The following HHEX variants were observed in gnomAD, a reference collection of about 807,000 sequenced individuals.
HHEX encodes the protein hematopoietically-expressed homeobox protein HHEX.
Under a neutral mutation model 27.0 loss-of-function variants are expected in HHEX, and 8 were observed. The observed-to-expected ratio is 0.30, with a 90% confidence interval of 0.17 to 0.54. The LOEUF is 0.54. Among genes scored for constraint, HHEX ranks in the 20% least tolerant of loss-of-function variants. HHEX has a pLI of 0.95. For synonymous variants in HHEX, 164 were observed against 161.5 expected (o/e 1.02, Z -0.12); for missense variants, 326 against 357.2 (o/e 0.91, Z 0.70).
intron 1 of HHEX, 189 bp from the exon 2 acceptor site, chr10:92,692,179 A>C: frequency 1.7e-6 from 1 of 576,156 alleles, no homozygotes; most frequent in East Asian, 2.9e-5. Context: ...CTGCGGTGTC[A>C]GTGTGTGACT....
Position 92,694,837 on chromosome 10 carries a change from TAGA to T in HHEX, c.*74_*76del. ...AATGTTTTGCTACAGAAAATCTTCA[TAGA>T]AGAACTGGAAGGCTATATAAGAAAG... On this transcript the variant is annotated 3_prime_UTR_variant, in exon 4 of 4. Transcript: ENST00000282728. 2 of 1,173,854 alleles carry T rather than the reference TAGA, an allele frequency of 1.7e-6. No homozygotes were observed. The highest frequency in any genetic ancestry group is 2.4e-5 in the East Asian group (1 of 42,348). The allele number at this position is 1,173,854 out of a possible 1,614,324, so 72.7% of individuals were successfully genotyped here.
In HHEX at chr10:92,689,982, G is replaced by C. The variant is rs532842622; in HGVS notation, c.-5G>C. On this transcript the variant is annotated 5_prime_UTR_variant, in exon 1 of 4. Transcript: ENST00000282728. ...CTCTGCGAGGGGCCGGAGCGCGGCG[G>C]AGCCATGCAGTACCCGCACCCCGGG... 1.5e-3 allele frequency: 2,153 copies of C among 1,402,656 alleles called. 4 individuals are homozygous for C. Among genetic ancestry groups the C allele is most frequent in the Non-Finnish European group, 1.9e-3 (2,021 of 1,087,418 alleles). 86.9% of individuals were successfully genotyped at this position (1,402,656 alleles called of 1,614,324 possible).
At chr10:92,692,598 G>A in intron 2 of HHEX, 52 bp downstream of exon 2, 1 of 1,602,550 alleles carries the variant, frequency 6.2e-7, no homozygotes. Flanking sequence ...AGGCTTCTGG[G>A]GTAGGGGTCG....
intron 1 of HHEX, among the ~76,000 whole-genome samples, chr10:92,691,263 C>T (rs1232811954): frequency 6.6e-6 from 1 of 152,170 alleles, no homozygotes; most frequent in African/African-American, 2.4e-5. Context: ...AATGTGCGGC[C>T]TAACAAATAA....
At position 92,690,115 on chromosome 10, in the gene HHEX, C is replaced by G. The variant is rs746055782; in HGVS notation, c.129C>G (p.Ala43=). The part of the protein sequence containing the change: ...YIEDILGRGP[A]APTPAPTLPS... ...AGGACATCCTGGGCCGCGGGCCCGC[C>G]GCGCCCACGCCCGCCCCCACGCTGC... Residue 43 remains alanine (A), a synonymous_variant, in exon 1 of 4, where the codon GCC becomes GCG. Coordinates refer to ENST00000282728, the MANE Select transcript of HHEX (RefSeq NM_002729.5). The G allele has an allele frequency of 3.9e-6, 6 of 1,548,214 alleles. No individual in the cohort carries two copies. The South Asian group carries it at 4.8e-5, about 12-fold the overall frequency.
chr10:92,694,778 G>T lies in HHEX; in HGVS notation c.*10G>T, dbSNP rs762671425. On this transcript the variant is annotated 3_prime_UTR_variant, in exon 4 of 4. Coordinates refer to ENST00000282728, the MANE Select transcript of HHEX (RefSeq NM_002729.5). ...TTTTAATGCTGGATGATGACCACTG[G>T]CATTGGCATGTTCAGAAAACTGGAT... The T allele has an allele frequency of 3.2e-6, 5 of 1,577,638 alleles. No homozygotes were observed. The South Asian group carries it at 5.5e-5, about 17-fold the overall frequency.
chr10:92,694,520 A>C (rs758306656), intron 3 of HHEX, 27 bp from the exon 4 acceptor site: 14 of 1,533,698 alleles, frequency 9.1e-6, no homozygotes, highest in Non-Finnish European at 1.8e-6. Context: ...GATCCTTCCA[A>C]TCTCCATTTT....
intron 2 of HHEX, 53 bp from the exon 3 acceptor site, chr10:92,692,649 T>C (rs1845369496): frequency 6.2e-7 from 1 of 1,608,126 alleles, no homozygotes; most frequent in South Asian, 1.1e-5. Flanking sequence ...CCCTGCCCTC[T>C]GGCACGTCCC....
At position 92,695,644 on chromosome 10, in the gene HHEX, C is replaced by T. The variant is rs563603594; in HGVS notation, c.*876C>T. On this transcript the variant is annotated 3_prime_UTR_variant, in exon 4 of 4. Coordinates refer to ENST00000282728, the MANE Select transcript of HHEX (RefSeq NM_002729.5). Reference sequence around the variant, plus strand: ...AAGCCGTCCGTGGGACGACTGACCTCGTTGCAAGTCTAATTCTTTGATTTT... The same window carrying T: ...AAGCCGTCCGTGGGACGACTGACCTTGTTGCAAGTCTAATTCTTTGATTTT... The T allele has an allele frequency of 6.6e-6, 1 of 152,128 alleles. No homozygotes were observed. Among genetic ancestry groups the T allele is most frequent in the Non-Finnish European group, 1.5e-5 (1 of 68,028 alleles). 9.4% of individuals were successfully genotyped at this position (152,128 alleles called of 1,614,324 possible).
In HHEX at chr10:92,694,781, T is replaced by G; in HGVS notation, c.*13T>G. The G allele has an allele frequency of 6.3e-7, 1 of 1,575,784 alleles. No homozygotes were observed. On this transcript the variant is annotated 3_prime_UTR_variant, in exon 4 of 4. Transcript: ENST00000282728. ...TAATGCTGGATGATGACCACTGGCA[T>G]TGGCATGTTCAGAAAACTGGATTTA...
intron 1 of HHEX, 81 bp downstream of exon 1, chr10:92,690,428 G>A (rs1384752040): frequency 5.8e-6 from 8 of 1,372,202 alleles, no homozygotes; most frequent in Non-Finnish European, 7.5e-6. Flanking sequence ...GGGGCGAAGG[G>A]GGCAGGCGGT....
At chr10:92,692,594 CTGGGGTAGG>C in intron 2 of HHEX, 48 bp downstream of exon 2, 2 of 1,610,442 alleles carry the variant, frequency 1.2e-6, no homozygotes, top group Non-Finnish European at 1.7e-6. Context: ...GGGAAGGCTT[CTGGGGTAGG>C]GGTCGCCGGG....
In HHEX at chr10:92,690,562, G is replaced by A. The variant is rs989681965; in HGVS notation, c.361+215G>A. Among the ~76,000 whole-genome samples, 7 of 152,232 alleles carry A rather than the reference G, an allele frequency of 4.6e-5. 1 individual carries two copies. The highest frequency in any genetic ancestry group is 4.6e-4 in the Admixed American group (7 of 15,306). On this transcript the variant is annotated intron_variant, in intron 1 of 3. Transcript: ENST00000282728. ...TTTCCTGCACCTTGCAGGCGTCGGG[G>A]CGCGCGGGCCGGCGGTAGACCTCGC...
In HHEX at chr10:92,694,910, C is replaced by T. The variant is rs1589623717; in HGVS notation, c.*142C>T. On this transcript the variant is annotated 3_prime_UTR_variant, in exon 4 of 4. Transcript: ENST00000282728. Reference sequence around the variant, plus strand: ...TCTGGAAACCTAAAAATATTTGGTGCACTGCTCAATTAACAAACCTACATG... The same window carrying T: ...TCTGGAAACCTAAAAATATTTGGTGTACTGCTCAATTAACAAACCTACATG... 1.5e-6 allele frequency: 1 copy of T among 656,846 alleles called. No individual in the cohort carries two copies. The highest frequency in any genetic ancestry group is 2.6e-6 in the Non-Finnish European group (1 of 384,330). 40.7% of individuals were successfully genotyped at this position (656,846 alleles called of 1,614,324 possible).
intron 1 of HHEX, among the ~76,000 whole-genome samples, chr10:92,691,156 C>T (rs903035119): frequency 3.3e-5 from 5 of 151,320 alleles, no homozygotes; most frequent in African/African-American, 1.2e-4. Context: ...ACCGACACTA[C>T]TTTGGGAGTA....
rs1346666081 is a variant in HHEX, at chr10:92,694,570, A to G, written c.615A>G (p.Lys205=). The G allele has an allele frequency of 6.8e-6, 11 of 1,614,046 alleles. No homozygotes were observed. In the South Asian group the frequency reaches 1.1e-4, roughly 16 times the overall value. ...AGGAGAACCCTCAAAGCAATAAAAAAGAAGAACTGGAAAGTTTGGACAGTT... is the reference window on the plus strand; with the variant it reads ...AGGAGAACCCTCAAAGCAATAAAAAGGAAGAACTGGAAAGTTTGGACAGTT... ...LKQENPQSNK[K]EELESLDSSC... is the part of the protein sequence containing the mutation. The change falls in exon 4 of 4, where the codon AAA becomes AAG. Residue 205 remains lysine, a synonymous_variant. Coordinates refer to ENST00000282728, the MANE Select transcript of HHEX (RefSeq NM_002729.5).
chr10:92,694,206 G>C (rs1845382330), intron 3 of HHEX, among the ~76,000 whole-genome samples: 5 of 152,184 alleles, frequency 3.3e-5, no homozygotes, highest in Admixed American at 2.6e-4. Context: ...GTAGTGATCT[G>C]ATTTTCTTTC....
chr10:92,690,234 C>T lies in HHEX; in HGVS notation c.248C>T (p.Ser83Phe), dbSNP rs1365657343. The change falls in exon 1 of 4, where the codon TCC becomes TTC. Residue 83 changes from serine to phenylalanine, a missense_variant. Transcript: ENST00000282728. ...ATCCATCCAGCCTTCTCGCACCACT[C>T]CGCCGCCGCGCTGGCCGCTGCCTAC... ...TPIHPAFSHH[S>F]AAALAAAYGP... is the part of the protein sequence containing the mutation. 1 of 1,567,704 alleles carries T rather than the reference C, an allele frequency of 6.4e-7. No individual in the cohort carries two copies. Among genetic ancestry groups the T allele is most frequent in the Non-Finnish European group, 8.6e-7 (1 of 1,157,232 alleles).
intron 1 of HHEX, among the ~76,000 whole-genome samples, chr10:92,690,661 G>A (rs938400323): frequency 1.3e-5 from 2 of 152,194 alleles, no homozygotes; most frequent in Non-Finnish European, 2.9e-5. Flanking sequence ...GGAAAGGGGC[G>A]TCGAGGCGCC....
Sources: gnomAD v4.1 joint callset for allele counts (sites outside exome capture counted in the v4.1 genomes callset) on GRCh38, gnomAD v4.1.1 for gene constraint, MANE v1.5 for transcripts, NCBI Gene and HGNC (gene_info 2026-07-23, HGNC 2026-07-21) for gene names.